Variants in SEZ6L observed in about 807,000 individuals in gnomAD.
SEZ6L encodes the protein seizure 6-like protein.
Under a neutral mutation model 106.2 loss-of-function variants are expected in SEZ6L, and 37 were observed. The observed-to-expected ratio is 0.35, with a 90% CI of 0.27 to 0.46. The LOEUF (loss-of-function observed/expected upper bound fraction) is 0.46. SEZ6L is among the 20% of genes least tolerant of loss of function. The pLI is 1.00. For synonymous variants in SEZ6L, 541 were observed against 570.4 expected, an observed-to-expected ratio of 0.95 and a Z score of 0.73; for missense variants, 1,172 against 1,332.8, an observed-to-expected ratio of 0.88 and a Z score of 1.88.
chr22:26,196,504 C>A (rs1056359414), intron 1 of SEZ6L, among the ~76,000 whole-genome samples: 3 of 152,172 alleles, frequency 2.0e-5, no homozygotes, highest in Non-Finnish European at 2.9e-5. Context: ...GGGTGGAAGA[C>A]AAAGTCAGGC....
chr22:26,235,856 T>C (rs1048614885), intron 1 of SEZ6L, among the ~76,000 whole-genome samples: 1 of 152,108 alleles, frequency 6.6e-6, no homozygotes, highest in Non-Finnish European at 1.5e-5. Flanking sequence ...CATCGGAGAA[T>C]TCCAAGCGGA....
chr22:26,359,481 C>G (rs762690755), intron 12 of SEZ6L, among the ~76,000 whole-genome samples: 1 of 152,136 alleles, frequency 6.6e-6, no homozygotes, highest in Non-Finnish European at 1.5e-5. Context: ...AACCGTTCTG[C>G]GCTGCATTCT....
At chr22:26,260,511 T>C (rs767021370) in intron 1 of SEZ6L, among the ~76,000 whole-genome samples, 1 of 152,190 alleles carries the variant, frequency 6.6e-6, no homozygotes, top group Non-Finnish European at 1.5e-5. Context: ...TATATACATA[T>C]GACAATTTTG....
At chr22:26,188,741 T>C (rs1939975094) in intron 1 of SEZ6L, among the ~76,000 whole-genome samples, 1 of 152,192 alleles carries the variant, frequency 6.6e-6, no homozygotes, top group East Asian at 1.9e-4. Flanking sequence ...TAGTTCAGGT[T>C]CAACAGAAAA....
At chr22:26,202,398 G>T (rs1410652478) in intron 1 of SEZ6L, among the ~76,000 whole-genome samples, 3 of 152,156 alleles carry the variant, frequency 2.0e-5, no homozygotes, top group African/African-American at 4.8e-5. Context: ...GCAGCACAAA[G>T]GTTCTCATGG....
At chr22:26,172,535 T>C (rs1232348911) in intron 1 of SEZ6L, among the ~76,000 whole-genome samples, 1 of 152,192 alleles carries the variant, frequency 6.6e-6, no homozygotes, top group Non-Finnish European at 1.5e-5. Flanking sequence ...TCCTATTCTG[T>C]CCAGAGACAA....
intron 5 of SEZ6L, among the ~76,000 whole-genome samples, chr22:26,303,177 C>A (rs1223367410): frequency 6.6e-6 from 1 of 152,192 alleles, no homozygotes; most frequent in African/African-American, 2.4e-5. Context: ...GACAGAAGGG[C>A]AGCCTGGAGA....
At chr22:26,305,836 C>A in intron 5 of SEZ6L, 143 bp from the exon 6 acceptor site, 1 of 877,160 alleles carries the variant, frequency 1.1e-6, no homozygotes, top group Non-Finnish European at 1.6e-6. Context: ...GATGTTTCAT[C>A]CTGGGCAAGG....
rs5844691 is a variant in SEZ6L at position 26,373,498 on chromosome 22, GAAA to G, written c.2827+25_2827+27del. 1.3e-5 allele frequency: 17 copies of G among 1,351,518 alleles called. No individual in the cohort carries two copies. Among genetic ancestry groups the G allele is most frequent in the Admixed American group, 4.5e-5 (2 of 44,482 alleles). 83.7% of individuals were successfully genotyped at this position (1,351,518 alleles called of 1,614,324 possible). On this transcript the variant is annotated intron_variant, in intron 14 of 16. Coordinates refer to ENST00000248933, the MANE Select transcript of SEZ6L (RefSeq NM_021115.5). ...TGCTTTAGAAGGTGAGTTCCAGAACGAAAAAAAAAAAAGTTCAATAAATCAAAC... is the reference window on the plus strand; with the variant it reads ...TGCTTTAGAAGGTGAGTTCCAGAACGAAAAAAAAAGTTCAATAAATCAAAC...
intron 13 of SEZ6L, among the ~76,000 whole-genome samples, chr22:26,367,420 T>G (rs2083856207): frequency 6.6e-6 from 1 of 152,152 alleles, no homozygotes; most frequent in Admixed American, 6.6e-5. Context: ...CATTACTCAC[T>G]GCAGCCTCAA....
chr22:26,292,828 A>T lies in SEZ6L; in HGVS notation c.517A>T (p.Ile173Phe), dbSNP rs201060309. 5.0e-5 allele frequency: 81 copies of T among 1,613,906 alleles called. No individual in the cohort carries two copies. Among genetic ancestry groups the T allele is most frequent in the Non-Finnish European group, 2.2e-5 (26 of 1,179,928 alleles). ...KPGPPGDPDPIVASEEASEVP... is the reference protein window; with the variant it reads ...KPGPPGDPDPFVASEEASEVP... ...TGGCCCACCGGGGGACCCGGACCCC[A>T]TCGTGGCCTCCGAGGAGGCATCAGA... The change falls in exon 2 of 17, where the codon ATC (isoleucine) becomes TTC (phenylalanine). Residue 173 changes from isoleucine to phenylalanine, a missense_variant. Transcript: ENST00000248933.
intron 16 of SEZ6L, among the ~76,000 whole-genome samples, chr22:26,379,678 A>T (rs1483738624): frequency 6.6e-6 from 1 of 152,238 alleles, no homozygotes; most frequent in East Asian, 1.9e-4. Flanking sequence ...TGGCAATGGT[A>T]GATCAGGGCA....
rs527826443 is a variant in SEZ6L at position 26,187,987 on chromosome 22, T to C, written c.94+18224T>C. Among the ~76,000 whole-genome samples the C allele has an allele frequency of 4.1e-4, 63 of 152,262 alleles. 2 individuals carry two copies. The South Asian group carries it at 0.012, about 30-fold the overall frequency. Reference sequence around the variant, plus strand: ...GCTGATCCCTAGAGAGGAGAAACAATAATCCAGGTGAGAGGAGATTTTAAA... The same window carrying C: ...GCTGATCCCTAGAGAGGAGAAACAACAATCCAGGTGAGAGGAGATTTTAAA... On this transcript the variant is annotated intron_variant, in intron 1 of 16. Coordinates refer to ENST00000248933, the MANE Select transcript of SEZ6L (RefSeq NM_021115.5).
At chr22:26,213,680 G>A (rs1202195395) in intron 1 of SEZ6L, among the ~76,000 whole-genome samples, 1 of 152,164 alleles carries the variant, frequency 6.6e-6, no homozygotes, top group African/African-American at 2.4e-5. Context: ...ATTAGAGTGT[G>A]GATTTTAAGA....
At chr22:26,229,348 T>A (rs2078729992) in intron 1 of SEZ6L, among the ~76,000 whole-genome samples, 1 of 152,198 alleles carries the variant, frequency 6.6e-6, no homozygotes, top group South Asian at 2.1e-4. Flanking sequence ...GTCTCCTATA[T>A]GTCAGGCTCT....
At chr22:26,248,810 G>C (rs1043902366) in intron 1 of SEZ6L, among the ~76,000 whole-genome samples, 1 of 152,216 alleles carries the variant, frequency 6.6e-6, no homozygotes, top group Non-Finnish European at 1.5e-5. Flanking sequence ...TTTAAGGAAA[G>C]AAATTTCATG....
intron 1 of SEZ6L, among the ~76,000 whole-genome samples, chr22:26,290,774 C>T (rs531361913): frequency 1.3e-5 from 2 of 152,370 alleles, no homozygotes; most frequent in South Asian, 4.1e-4. Context: ...CCCCCGTACT[C>T]TCCACTTGTG....
intron 8 of SEZ6L, among the ~76,000 whole-genome samples, chr22:26,312,695 T>C (rs375344160): frequency 3.9e-5 from 6 of 152,316 alleles, no homozygotes; most frequent in Non-Finnish European, 7.4e-5. Context: ...CTCAGCCTCC[T>C]GAGTAGCTGG....
intron 1 of SEZ6L, among the ~76,000 whole-genome samples, chr22:26,291,977 AAGG>A (rs1379333296): frequency 1.4e-4 from 1 of 7,302 alleles, no homozygotes; most frequent in East Asian, 4.9e-3. Flanking sequence ...TCTTCAGGAA[AAGG>A]AAGGAAGGAA....
Sources: allele counts gnomAD v4.1 joint callset (sites outside exome capture counted in the v4.1 genomes callset), GRCh38; gene constraint gnomAD v4.1.1; transcripts MANE v1.5; gene names NCBI Gene and HGNC (gene_info 2026-07-23, HGNC 2026-07-21).